The following FEZ1 variants were observed in gnomAD, a reference collection of about 807,000 sequenced individuals.
The protein encoded by FEZ1 is fasciculation and elongation protein zeta-1.
FEZ1 carries 20 observed loss-of-function variants against 49.3 expected under a neutral mutation model. The observed-to-expected ratio is 0.41, with a 90% CI of 0.29 to 0.59. The LOEUF is 0.59. FEZ1 is among the 20% of genes least tolerant of loss of function. The pLI, the probability that FEZ1 is intolerant of heterozygous loss-of-function variation, is 0.36. For synonymous variants in FEZ1, 170 were observed against 180.9 expected, an observed-to-expected ratio of 0.94 and a Z score of 0.48; for missense variants, 413 against 476.0, an observed-to-expected ratio of 0.87 and a Z score of 1.23.
At chr11:125,459,496 G>T (rs1957052586) in intron 5 of FEZ1, among the ~76,000 whole-genome samples, 1 of 152,124 alleles carries the variant, frequency 6.6e-6, no homozygotes, top group Non-Finnish European at 1.5e-5. Context: ...GGGGGCTGAG[G>T]CAGGAGAATC....
chr11:125,451,299 T>G (rs758512680), intron 8 of FEZ1: 17 of 152,232 alleles, frequency 1.1e-4, no homozygotes, highest in Non-Finnish European at 2.2e-4. Flanking sequence ...AAATTCCTGA[T>G]TCTCAAGGAC....
intron 9 of FEZ1, 54 bp from the exon 10 acceptor site, chr11:125,446,165 A>G: frequency 1.9e-6 from 3 of 1,593,410 alleles, no homozygotes; most frequent in Non-Finnish European, 1.7e-6. Context: ...GCAGGTGGGG[A>G]CCTCCGAGCC....
chr11:125,483,201 A>C (rs574524837), intron 2 of FEZ1, among the ~76,000 whole-genome samples: 1 of 152,210 alleles, frequency 6.6e-6, no homozygotes, highest in South Asian at 2.1e-4. Context: ...CCCATATATC[A>C]CATCACATTC....
chr11:125,455,924 G>C lies in FEZ1; in HGVS notation c.850C>G (p.Gln284Glu), dbSNP rs762343972. 2.5e-6 allele frequency: 4 copies of C among 1,613,256 alleles called. No individual in the cohort carries two copies. The highest frequency in any genetic ancestry group is 1.7e-5 in the Admixed American group (1 of 59,920). Residue 284 changes from glutamine (Q) to glutamate (E), a missense_variant, in exon 6 of 10, where the codon CAG (glutamine) becomes GAG (glutamate). Physicochemically the swap from Gln to Glu is conservative, Grantham distance 29. Transcript: ENST00000278919. ...LIEVQNKQKEQRELMKKRRKE... is the reference protein window; with the variant it reads ...LIEVQNKQKEERELMKKRRKE... ...CGCCTCTTTTTCATCAGTTCTCGCT[G>C]CTCCTTCTGCTTGTTCTGAACCTCA...
intron 2 of FEZ1, chr11:125,488,752 T>A (rs1463274322): frequency 1.0e-6 from 1 of 985,284 alleles, no homozygotes; most frequent in Non-Finnish European, 1.2e-6. Context: ...GAATTTTTAC[T>A]AAATGCCTAA....
chr11:125,476,303 A>G (rs150025992), intron 3 of FEZ1, among the ~76,000 whole-genome samples: 4 of 152,342 alleles, frequency 2.6e-5, no homozygotes, highest in Non-Finnish European at 5.9e-5. Context: ...GGGGAAAAAC[A>G]GAATAAAATA....
At chr11:125,448,402 C>A (rs532179419) in intron 9 of FEZ1, 100 bp downstream of exon 9, 103 of 757,174 alleles carry the variant, frequency 1.4e-4, no homozygotes, top group Non-Finnish European at 2.2e-4. Context: ...CTGGCCCCTG[C>A]CTGGTCTGGT....
chr11:125,481,810 G>T, intron 2 of FEZ1, 177 bp from the exon 3 acceptor site: 1 of 614,492 alleles, frequency 1.6e-6, no homozygotes, highest in Non-Finnish European at 2.9e-6. Context: ...ACATCCAGGG[G>T]AGAAAGTGCA....
At chr11:125,458,519 C>G (rs1367234263) in intron 5 of FEZ1, among the ~76,000 whole-genome samples, 2 of 152,124 alleles carry the variant, frequency 1.3e-5, no homozygotes, top group African/African-American at 4.8e-5. Flanking sequence ...GGACTAAGCA[C>G]AAATACAAAT....
chr11:125,455,118 C>G (rs1225500846), intron 6 of FEZ1, among the ~76,000 whole-genome samples: 1 of 151,700 alleles, frequency 6.6e-6, no homozygotes, highest in Non-Finnish European at 1.5e-5. Flanking sequence ...GGGCCAGGCA[C>G]GGTGGCTCAT....
At chr11:125,493,422 G>GAAAGA (rs1333552735) in intron 1 of FEZ1, among the ~76,000 whole-genome samples, 3 of 37,598 alleles carry the variant, frequency 8.0e-5, no homozygotes, top group Non-Finnish European at 1.4e-4. Flanking sequence ...AAGAAAGAAA[G>GAAAGA]AAGGAAAGAA....
rs1244555703 is a variant in FEZ1 at position 125,444,061 on chromosome 11, C to A, written c.*2034G>T. 6.6e-6 allele frequency among the ~76,000 whole-genome samples: 1 copy of A among 152,204 alleles called. No individual in the cohort carries two copies. The highest frequency in any genetic ancestry group is 1.5e-5 in the Non-Finnish European group (1 of 68,040). On this transcript the variant is annotated 3_prime_UTR_variant, in exon 10 of 10. Transcript: ENST00000278919. ...GCTAATGACCTCACACCACTAATGACCCTGGGCATGTTCAGCCTTAGCACC... is the reference window on the plus strand; with the variant it reads ...GCTAATGACCTCACACCACTAATGAACCTGGGCATGTTCAGCCTTAGCACC...
chr11:125,493,463 AAGGAAAGAAGGAAAGAAG>A lies in FEZ1; in HGVS notation c.-46+2640_-46+2657del, dbSNP rs1565307116. 3.4e-3 allele frequency among the ~76,000 whole-genome samples: 251 copies of A among 74,150 alleles called. 12 individuals are homozygous for A. Among genetic ancestry groups the A allele is most frequent in the African/African-American group, 5.6e-3 (71 of 12,630 alleles). The allele number at this position is 74,150 out of a possible 152,430, so 48.6% of individuals were successfully genotyped here. The stretch of plus-strand genomic sequence containing the variant: ...GAAGGAAAGAAGGAAAGAAGGAAAG[AAGGAAAGAAGGAAAGAAG>A]GAAAGAAGGAAAGAAAGAAAGAAAG... On this transcript the variant is annotated intron_variant, in intron 1 of 9. Coordinates refer to ENST00000278919, the MANE Select transcript of FEZ1 (RefSeq NM_005103.5).
At chr11:125,451,496 C>G (rs567401409) in intron 8 of FEZ1, 2 of 152,148 alleles carry the variant, frequency 1.3e-5, no homozygotes, top group Non-Finnish European at 2.9e-5. Flanking sequence ...CCAGTAGCCC[C>G]GCACTGGCCC....
At chr11:125,473,683 G>A (rs1411428334) in intron 3 of FEZ1, among the ~76,000 whole-genome samples, 2 of 152,050 alleles carry the variant, frequency 1.3e-5, no homozygotes, top group Non-Finnish European at 2.9e-5. Context: ...GCTGGGCATG[G>A]TTGCAGGCAC....
intron 3 of FEZ1, among the ~76,000 whole-genome samples, chr11:125,475,081 G>A (rs1233307323): frequency 6.6e-6 from 1 of 152,018 alleles, no homozygotes; most frequent in Non-Finnish European, 1.5e-5. Context: ...ACCATCCTAG[G>A]CAACATGGTG....
intron 3 of FEZ1, among the ~76,000 whole-genome samples, chr11:125,473,422 G>A (rs1957200383): frequency 6.6e-6 from 1 of 152,220 alleles, no homozygotes; most frequent in African/African-American, 2.4e-5. Flanking sequence ...GAAGCAGGTG[G>A]ATGGCTTGAG....
At chr11:125,476,346 A>T (rs1490340263) in intron 3 of FEZ1, among the ~76,000 whole-genome samples, 1 of 152,252 alleles carries the variant, frequency 6.6e-6, no homozygotes, top group South Asian at 2.1e-4. Context: ...AGTTGTGTGT[A>T]TCTCAAGAAT....
intron 3 of FEZ1, among the ~76,000 whole-genome samples, 193 bp downstream of exon 3, chr11:125,481,341 G>T (rs539256279): frequency 6.6e-6 from 1 of 152,132 alleles, no homozygotes; most frequent in East Asian, 1.9e-4. Context: ...TAGAAATGGG[G>T]GTTTCACCAC....
Sources: gnomAD v4.1 joint callset for allele counts (sites outside exome capture counted in the v4.1 genomes callset) on GRCh38, gnomAD v4.1.1 for gene constraint, MANE v1.5 for transcripts, NCBI Gene and HGNC (gene_info 2026-07-23, HGNC 2026-07-21) for gene names.